PDE1A: variants seen among roughly 807,000 people sequenced by gnomAD.
PDE1A encodes dual specificity calcium/calmodulin-dependent 3',5'-cyclic nucleotide phosphodiesterase 1A.
PDE1A carries 35 observed loss-of-function variants against 61.7 expected under a neutral mutation model. The ratio of observed to expected loss-of-function variants is 0.57; its 90% CI spans 0.43 to 0.75. The LOEUF (loss-of-function observed/expected upper bound fraction) is 0.75. PDE1A is among the 30% of genes least tolerant of loss of function. The pLI, the probability that PDE1A is intolerant of heterozygous loss-of-function variation, is 0.00. For missense variants in PDE1A, 597 were observed against 630.6 expected (o/e 0.95, Z 0.57); for synonymous variants, 232 against 213.2 (o/e 1.09, Z -0.77).
At chr2:182,665,460 A>G in the PDE1A span, among the ~76,000 whole-genome samples, 1 of 152,134 alleles carries the variant, frequency 6.6e-6, no homozygotes, top group African/African-American at 2.4e-5. Context: ...CAACCATATG[A>G]AAAAAAATTT....
chr2:182,529,720 A>AT, the PDE1A span, among the ~76,000 whole-genome samples: 3 of 152,124 alleles, frequency 2.0e-5, no homozygotes, highest in African/African-American at 7.2e-5. Flanking sequence ...ATGGGAGCTG[A>AT]TTTCCCCATA....
At chr2:182,405,756 A>G (rs960588624) in intron 1 of PDE1A, among the ~76,000 whole-genome samples, 1 of 152,134 alleles carries the variant, frequency 6.6e-6, no homozygotes, top group Non-Finnish European at 1.5e-5. Context: ...AATTTCTGAG[A>G]GTAAAGTTCA....
At chr2:182,302,881 G>A (rs1695336772) in intron 1 of PDE1A, among the ~76,000 whole-genome samples, 1 of 152,124 alleles carries the variant, frequency 6.6e-6, no homozygotes, top group African/African-American at 2.4e-5. Context: ...TTCACCAGGA[G>A]TAGATTCCAT....
intron 1 of PDE1A, among the ~76,000 whole-genome samples, chr2:182,335,664 C>T (rs570709493): frequency 7.9e-5 from 12 of 152,170 alleles, no homozygotes; most frequent in African/African-American, 2.2e-4. Context: ...TCATAAAAAC[C>T]CTAGAAGAAA....
chr2:182,555,275 C>G, the PDE1A span, among the ~76,000 whole-genome samples: 2 of 152,228 alleles, frequency 1.3e-5, no homozygotes, highest in African/African-American at 4.8e-5. Flanking sequence ...TTAATTACAT[C>G]ATTCAAACAC....
At chr2:182,279,065 A>T (rs577469907) in intron 1 of PDE1A, among the ~76,000 whole-genome samples, 3 of 152,102 alleles carry the variant, frequency 2.0e-5, no homozygotes, top group Admixed American at 6.6e-5. Context: ...ACAATAACCA[A>T]AATCCTAAAC....
the PDE1A span, among the ~76,000 whole-genome samples, chr2:182,558,339 TA>T: frequency 1.3e-5 from 2 of 152,050 alleles, no homozygotes; most frequent in African/African-American, 4.8e-5. Context: ...AACATTGTCA[TA>T]AAAAATAAGT....
intron 1 of PDE1A, among the ~76,000 whole-genome samples, chr2:182,383,753 A>G (rs555850894): frequency 2.0e-5 from 3 of 152,344 alleles, no homozygotes; most frequent in Admixed American, 2.0e-4. Flanking sequence ...GAGAAAAGAT[A>G]TAATACGGAG....
chr2:182,712,912 T>C, the PDE1A span, among the ~76,000 whole-genome samples: 1 of 152,146 alleles, frequency 6.6e-6, no homozygotes, highest in South Asian at 2.1e-4. Context: ...GTTTAAACAC[T>C]TCTGTGGCTT....
intron 1 of PDE1A, among the ~76,000 whole-genome samples, chr2:182,285,788 A>T (rs1259017138): frequency 1.3e-5 from 2 of 152,114 alleles, no homozygotes; most frequent in African/African-American, 2.4e-5. Context: ...CTTGAGTCTA[A>T]CCTGCAGCCT....
chr2:182,182,733 C>G (rs182514120), intron 13 of PDE1A, among the ~76,000 whole-genome samples: 217 of 151,920 alleles, frequency 1.4e-3, no homozygotes, highest in Non-Finnish European at 2.6e-3. Flanking sequence ...TTGTTTCTGG[C>G]ATGTCAGGCA....
chr2:182,626,784 T>TATATATAC, the PDE1A span, among the ~76,000 whole-genome samples: 2 of 5,334 alleles, frequency 3.7e-4, 1 homozygote, highest in Non-Finnish European at 8.7e-4. Flanking sequence ...TATATATACA[T>TATATATAC]ATATATACAT....
intron 7 of PDE1A, among the ~76,000 whole-genome samples, chr2:182,219,801 C>G (rs1169898296): frequency 6.6e-6 from 1 of 152,212 alleles, no homozygotes; most frequent in East Asian, 1.9e-4. Flanking sequence ...AACACCACCA[C>G]CACCACACAT....
intron 2 of PDE1A, among the ~76,000 whole-genome samples, chr2:182,242,893 T>TCTCC (rs1690644017): frequency 1.7e-5 from 2 of 117,910 alleles, no homozygotes; most frequent in African/African-American, 7.9e-5. Context: ...CCTCTCTCTC[T>TCTCC]CTCTCCCTCT....
At chr2:182,324,699 C>T (rs1412584077) in intron 1 of PDE1A, among the ~76,000 whole-genome samples, 1 of 152,142 alleles carries the variant, frequency 6.6e-6, no homozygotes, top group African/African-American at 2.4e-5. Context: ...CGTCTGTACT[C>T]CTTTGTGATG....
In PDE1A at chr2:182,160,625, G is replaced by A. The variant is rs147376163; in HGVS notation, c.1517-13473C>T. Among the ~76,000 whole-genome samples, 12 of 152,140 alleles carry A rather than the reference G, an allele frequency of 7.9e-5. No homozygotes were observed. The East Asian group carries it at 2.1e-3, about 27-fold the overall frequency. ...AGCCTCAGACTGGGGCTGCATTCTT[G>A]GCCTCCTTGGTTTTGAGGCTTTCAG... On this transcript the variant is annotated intron_variant, in intron 13 of 13. Coordinates refer to the PDE1A transcript ENST00000409365.
chr2:182,317,252 CTTTTTTTTT>C (rs34087191), intron 1 of PDE1A, among the ~76,000 whole-genome samples: 1 of 142,696 alleles, frequency 7.0e-6, no homozygotes, highest in East Asian at 2.0e-4. Flanking sequence ...TTCTCACAAA[CTTTTTTTTT>C]TTTTTTGAGG....
rs542127288 is a variant in PDE1A, at chr2:182,376,248, A to G, written c.53+50330T>C. On this transcript the variant is annotated intron_variant, in intron 1 of 13. Transcript: ENST00000351439. ...TAGGCTGCAAATTTTCTGAACTTTC[A>G]TACTCTTCTTCATTTTTAAAATTGA... is the stretch of plus-strand genomic sequence containing the variant. Among the ~76,000 whole-genome samples the G allele has an allele frequency of 2.6e-5, 4 of 152,176 alleles. No individual in the cohort carries two copies. In the East Asian group the frequency reaches 7.7e-4, roughly 29 times the overall value.
chr2:182,359,935 G>A (rs1180285888), intron 1 of PDE1A, among the ~76,000 whole-genome samples: 1 of 152,122 alleles, frequency 6.6e-6, no homozygotes, highest in Non-Finnish European at 1.5e-5. Context: ...ATTTTATACA[G>A]TTCAAACCTG....
Sources: gnomAD v4.1 joint callset for allele counts (sites outside exome capture counted in the v4.1 genomes callset) on GRCh38, gnomAD v4.1.1 for gene constraint, MANE v1.5 for transcripts, NCBI Gene and HGNC (gene_info 2026-07-23, HGNC 2026-07-21) for gene names.